Variants in ZNF516 observed in about 807,000 individuals in gnomAD.
ZNF516 encodes the protein zinc finger protein 516.
A neutral mutation model predicts 79.7 loss-of-function variants in ZNF516; 19 were observed. The ratio of observed to expected loss-of-function variants is 0.24; its 90% confidence interval spans 0.17 to 0.35. The LOEUF (loss-of-function observed/expected upper bound fraction) is 0.35, where lower values mean the gene tolerates loss of function less well. Ranked by LOEUF, ZNF516 falls within the 10% of genes least tolerant of loss-of-function variation. The pLI, the probability that ZNF516 is intolerant of heterozygous loss-of-function variation, is 1.00. For synonymous variants in ZNF516, 877 were observed against 739.5 expected, an observed-to-expected ratio of 1.19 and a Z score of -3.02; for missense variants, 1,678 against 1,679.5, an observed-to-expected ratio of 1.00 and a Z score of 0.02.
intron 2 of ZNF516, among the ~76,000 whole-genome samples, chr18:76,450,207 A>C (rs1912318765): frequency 6.8e-6 from 1 of 146,578 alleles, no homozygotes; most frequent in Admixed American, 7.0e-5. Flanking sequence ...TTTATTTCTA[A>C]CTCTTTCCAT....
chr18:76,485,187 T>C (rs897186334), intron 1 of ZNF516, among the ~76,000 whole-genome samples: 1 of 152,234 alleles, frequency 6.6e-6, no homozygotes, highest in African/African-American at 2.4e-5. Flanking sequence ...AACGTTAATT[T>C]AAATTATGCT....
rs2074840661 is a variant in ZNF516, at chr18:76,379,087, C to T, written c.3027G>A (p.Glu1009=). ...PREPPSKAAQ[E]LRTLATCAAG... is the part of the protein sequence containing the mutation. The stretch of plus-strand genomic sequence containing the variant: ...CAGCACAGGTGGCCAGAGTCCTCAG[C>T]TCCTGGGCTGCCTTCGAGGGGGGCT... Residue 1009 remains glutamate, a synonymous_variant, in exon 4 of 7, where the codon GAG becomes GAA. Transcript: ENST00000443185. 6.2e-7 allele frequency: 1 copy of T among 1,611,224 alleles called. No homozygotes were observed. The highest frequency in any genetic ancestry group is 2.2e-5 in the East Asian group (1 of 44,860).
intron 1 of ZNF516, among the ~76,000 whole-genome samples, chr18:76,486,185 G>C (rs1293967741): frequency 2.6e-5 from 4 of 152,184 alleles, no homozygotes; most frequent in Non-Finnish European, 5.9e-5. Context: ...AACTGAGAAA[G>C]AATCTGCTAA....
At chr18:76,488,311 TCCAAGGTG>T (rs769631255) in intron 1 of ZNF516, 6 of 953,884 alleles carry the variant, frequency 6.3e-6, no homozygotes, top group Non-Finnish European at 7.5e-6. Context: ...GAAGTGAAGC[TCCAAGGTG>T]CCAATTCGCA....
chr18:76,380,338 A>G (rs2074871111), intron 3 of ZNF516, 35 bp from the exon 4 acceptor site: 1 of 1,599,626 alleles, frequency 6.3e-7, no homozygotes, highest in South Asian at 1.1e-5. Flanking sequence ...GGAAGTTACC[A>G]TTTCTCATCA....
chr18:76,367,908 T>C (rs2074641852), intron 6 of ZNF516, among the ~76,000 whole-genome samples: 1 of 152,168 alleles, frequency 6.6e-6, no homozygotes. Flanking sequence ...TCTATAAAAG[T>C]CCATTGACTT....
intron 3 of ZNF516, among the ~76,000 whole-genome samples, chr18:76,390,660 C>T (rs11150951): frequency 0.34 from 52,444 of 152,090 alleles, 9,324 homozygotes; most frequent in East Asian, 0.48. Flanking sequence ...ACCCGGGTCC[C>T]GCAGGCAGGA....
At chr18:76,468,703 A>C (rs1251383525) in intron 1 of ZNF516, among the ~76,000 whole-genome samples, 1 of 152,042 alleles carries the variant, frequency 6.6e-6, no homozygotes, top group African/African-American at 2.4e-5. Flanking sequence ...TACAGGTATG[A>C]GCCAACGCGC....
At chr18:76,436,189 G>A (rs910778993) in intron 3 of ZNF516, among the ~76,000 whole-genome samples, 1 of 152,182 alleles carries the variant, frequency 6.6e-6, no homozygotes, top group African/African-American at 2.4e-5. Context: ...CATTCTGCAA[G>A]CTCCTGTTTA....
chr18:76,492,333 AG>A, intron 1 of ZNF516: 1 of 985,418 alleles, frequency 1.0e-6, no homozygotes, highest in Non-Finnish European at 1.2e-6. Flanking sequence ...TCGGTGCCAC[AG>A]TAAGTCAGCT....
intron 3 of ZNF516, among the ~76,000 whole-genome samples, chr18:76,440,645 G>C (rs2075801676): frequency 6.6e-6 from 1 of 152,202 alleles, no homozygotes; most frequent in South Asian, 2.1e-4. Context: ...TAAACCCACA[G>C]GGTTACTTGA....
At chr18:76,480,529 A>ATTTTTTT (rs1555720250) in intron 1 of ZNF516, among the ~76,000 whole-genome samples, 4 of 142,024 alleles carry the variant, frequency 2.8e-5, no homozygotes, top group Admixed American at 7.0e-5. Flanking sequence ...ACACACATAT[A>ATTTTTTT]TTTTTTTTTT....
At chr18:76,495,422 C>G (rs1395180535), upstream of ZNF516, 3 of 148,976 alleles carry the variant, frequency 2.0e-5, no homozygotes, top group African/African-American at 7.3e-5. Flanking sequence ...GCCGGGCGCT[C>G]ACGGCCCGGC....
chr18:76,392,544 AAGGC>A (rs2075089781), intron 3 of ZNF516, among the ~76,000 whole-genome samples: 1 of 142,306 alleles, frequency 7.0e-6, no homozygotes, highest in African/African-American at 2.7e-5. Flanking sequence ...GGTGGATGGG[AAGGC>A]AGGTGGCCAC....
At chr18:76,430,761 G>T (rs1051895091) in intron 3 of ZNF516, among the ~76,000 whole-genome samples, 1 of 152,234 alleles carries the variant, frequency 6.6e-6, no homozygotes, top group Non-Finnish European at 1.5e-5. Flanking sequence ...CTATTCTGGA[G>T]TTAAGAGAAA....
At chr18:76,414,938 C>T (rs953855375) in intron 3 of ZNF516, among the ~76,000 whole-genome samples, 2 of 152,136 alleles carry the variant, frequency 1.3e-5, no homozygotes, top group African/African-American at 4.8e-5. Context: ...TGGCTCACGC[C>T]TGTAATCTCA....
chr18:76,371,390 C>T (rs932584805), intron 5 of ZNF516, 77 bp downstream of exon 5: 171 of 1,389,686 alleles, frequency 1.2e-4, no homozygotes, highest in Non-Finnish European at 1.5e-4. Context: ...TCCCTCGCTG[C>T]GGATGGTCAA....
chr18:76,383,871 T>C (rs2074935486), intron 3 of ZNF516, among the ~76,000 whole-genome samples: 1 of 152,232 alleles, frequency 6.6e-6, no homozygotes, highest in Non-Finnish European at 1.5e-5. Context: ...CCCAGTGCTG[T>C]TGGTTGACAA....
chr18:76,459,120 CGT>C lies in ZNF516; in HGVS notation c.-158+3906_-158+3907del, dbSNP rs1204703172. Among the ~76,000 whole-genome samples the C allele has an allele frequency of 6.6e-6, 1 of 152,236 alleles. No homozygotes were observed. The highest frequency in any genetic ancestry group is 2.4e-5 in the African/African-American group (1 of 41,464). ...CTTCCAACAATCTACCAGCAACACT[CGT>C]GCCCATGTGCCTGGATTACCAGCTT... On this transcript the variant is annotated intron_variant, in intron 2 of 6. Transcript: ENST00000443185. The surrounding 1 kb of genome is among the most constrained non-coding windows in gnomAD (Gnocchi z 5.0).
Sources: gnomAD v4.1 joint callset for allele counts (sites outside exome capture counted in the v4.1 genomes callset) on GRCh38, gnomAD v4.1.1 for gene constraint, Gnocchi (gnomAD v3.1) non-coding constraint, MANE v1.5 for transcripts, NCBI Gene and HGNC (gene_info 2026-07-23, HGNC 2026-07-21) for gene names.